The following KLHDC10 variants were observed in gnomAD, a reference collection of about 807,000 sequenced individuals.
The protein encoded by KLHDC10 is kelch domain containing 10.
Under a neutral mutation model 56.1 loss-of-function variants are expected in KLHDC10, and 24 were observed. The observed-to-expected ratio is 0.43, with a 90% confidence interval of 0.31 to 0.60. KLHDC10 has a LOEUF of 0.60. KLHDC10 is among the 20% of genes least tolerant of loss of function. The probability of loss-of-function intolerance (pLI) is 0.11; values close to 1 mark genes in which losing one functional copy is unlikely to be tolerated. For synonymous variants in KLHDC10, 188 were observed against 207.1 expected, an observed-to-expected ratio of 0.91 and a Z score of 0.79; for missense variants, 349 against 567.0, an observed-to-expected ratio of 0.62 and a Z score of 3.91.
At chr7:130,104,437 TAGG>T (rs1656948155) in intron 2 of KLHDC10, among the ~76,000 whole-genome samples, 10 of 152,104 alleles carry the variant, frequency 6.6e-5, no homozygotes, top group Admixed American at 6.6e-4. Flanking sequence ...CAGAAATACA[TAGG>T]GGGAAAAGTC....
intron 3 of KLHDC10, among the ~76,000 whole-genome samples, chr7:130,117,063 A>G (rs571283789): frequency 6.6e-6 from 1 of 152,352 alleles, no homozygotes; most frequent in Admixed American, 6.5e-5. Context: ...CAAGTCACAC[A>G]ACATTTTTGG....
In KLHDC10 at chr7:130,096,943, C is replaced by G; in HGVS notation, c.189C>G (p.Asp63Glu). Residue 63 changes from aspartate (D) to glutamate (E), a missense_variant, in exon 2 of 10, where the codon GAC (aspartate) becomes GAG (glutamate). This residue lies in a region of KLHDC10 where 104 missense variants were observed against 97.0 expected (regional missense o/e 1.07). Coordinates refer to ENST00000335420, the MANE Select transcript of KLHDC10 (RefSeq NM_014997.4). Reference protein sequence around the residue: ...HLPGKKKIRWDPVRRRFIQSC... With the variant: ...HLPGKKKIRWEPVRRRFIQSC... ...CAGGTAAGAAGAAAATACGATGGGACCCAGTTAGGAGGCGCTTCATTCAGT... is the reference window on the plus strand; with the variant it reads ...CAGGTAAGAAGAAAATACGATGGGAGCCAGTTAGGAGGCGCTTCATTCAGT... 6.2e-7 allele frequency: 1 copy of G among 1,610,740 alleles called. No individual in the cohort carries two copies. The highest frequency in any genetic ancestry group is 8.5e-7 in the Non-Finnish European group (1 of 1,177,758).
intron 1 of KLHDC10, among the ~76,000 whole-genome samples, chr7:130,076,853 C>T (rs1057069685): frequency 6.6e-6 from 1 of 152,116 alleles, no homozygotes; most frequent in Non-Finnish European, 1.5e-5. Context: ...TGGTTATCAT[C>T]TTCCCTCATT....
rs1252812744 is a variant in KLHDC10 at position 130,134,785 on chromosome 7, G to A, written c.*4039G>A. ...GGCATTGAGCTCTAGGGTGGATGAG[G>A]GTTTATGGTCCTCTGATCATAAGCT... On this transcript the variant is annotated 3_prime_UTR_variant, in exon 10 of 10. Transcript: ENST00000335420. 2.0e-5 allele frequency: 3 copies of A among 151,894 alleles called. No individual in the cohort carries two copies. The highest frequency in any genetic ancestry group is 4.4e-5 in the Non-Finnish European group (3 of 67,952). The allele number at this position is 151,894 out of a possible 1,614,324, so 9.4% of individuals were successfully genotyped here. A position where few individuals can be genotyped will look rare whatever the true frequency, so the allele number is the denominator to read the frequency against.
chr7:130,097,039 C>A, intron 2 of KLHDC10, 32 bp downstream of exon 2: 1 of 1,484,798 alleles, frequency 6.7e-7, no homozygotes, highest in South Asian at 1.2e-5. Flanking sequence ...ATCTGTGCTT[C>A]GTATGGGTTA....
intron 2 of KLHDC10, among the ~76,000 whole-genome samples, chr7:130,102,154 C>T (rs762094293): frequency 1.3e-5 from 2 of 151,972 alleles, no homozygotes; most frequent in African/African-American, 2.4e-5. Context: ...CCAATTTTGG[C>T]AGTAATAAGG....
intron 1 of KLHDC10, among the ~76,000 whole-genome samples, chr7:130,084,453 G>A (rs747258638): frequency 6.6e-6 from 1 of 152,114 alleles, no homozygotes; most frequent in African/African-American, 2.4e-5. Context: ...TTGCTATGAG[G>A]TGTGAAGGAG....
chr7:130,083,336 C>G (rs1795634954), intron 1 of KLHDC10, among the ~76,000 whole-genome samples: 1 of 152,122 alleles, frequency 6.6e-6, no homozygotes, highest in African/African-American at 2.4e-5. Context: ...GTTGATTCTT[C>G]CTCCTTACCC....
At chr7:130,082,975 G>A (rs1256067331) in intron 1 of KLHDC10, among the ~76,000 whole-genome samples, 1 of 152,112 alleles carries the variant, frequency 6.6e-6, no homozygotes, top group East Asian at 1.9e-4. Context: ...GTATCCAAGA[G>A]TATTTCTTTT....
chr7:130,121,047 G>A, intron 4 of KLHDC10, 144 bp downstream of exon 4: 1 of 763,690 alleles, frequency 1.3e-6, no homozygotes, highest in Non-Finnish European at 2.0e-6. Context: ...GTTCTGATAT[G>A]AAATTATAAT....
intron 2 of KLHDC10, among the ~76,000 whole-genome samples, chr7:130,107,365 G>T (rs147255136): frequency 2.5e-4 from 38 of 152,238 alleles, no homozygotes; most frequent in African/African-American, 8.2e-4. Context: ...GATAATTCAT[G>T]ATAACTAATA....
intron 2 of KLHDC10, among the ~76,000 whole-genome samples, chr7:130,099,297 GTTCATTCT>G (rs1292061301): frequency 1.3e-5 from 2 of 151,764 alleles, no homozygotes; most frequent in East Asian, 1.9e-4. Context: ...TTGTTCGTTC[GTTCATTCT>G]TTCATTCTTT....
chr7:130,114,779 G>C (rs574173021), intron 2 of KLHDC10, among the ~76,000 whole-genome samples: 2 of 152,062 alleles, frequency 1.3e-5, no homozygotes, highest in Non-Finnish European at 2.9e-5. Flanking sequence ...GAAAAGGGTG[G>C]TGTGCACTAG....
chr7:130,109,006 C>T (rs1563103117), intron 2 of KLHDC10, among the ~76,000 whole-genome samples: 2 of 151,904 alleles, frequency 1.3e-5, no homozygotes, highest in Admixed American at 1.3e-4. Flanking sequence ...CCTCCGCCTC[C>T]GGGGTCTAAG....
At chr7:130,122,701 G>A (rs1277398106) in intron 5 of KLHDC10, among the ~76,000 whole-genome samples, 1 of 152,144 alleles carries the variant, frequency 6.6e-6, no homozygotes, top group African/African-American at 2.4e-5. Flanking sequence ...ATACAGGCAT[G>A]TGCCACCACG....
At position 130,130,955 on chromosome 7, in the gene KLHDC10, C is replaced by T. The variant is rs1796392385; in HGVS notation, c.*209C>T. On this transcript the variant is annotated 3_prime_UTR_variant, in exon 10 of 10. Transcript: ENST00000335420. This position sits in a 1 kb window ranked among gnomAD's most constrained non-coding sequence, Gnocchi z 4.2. ...GCTTCCTTCTTTGCTTCTGTTCCTC[C>T]TGACCCATTACATGCACATGTACTC... The T allele has an allele frequency of 9.1e-6, 5 of 552,474 alleles. No homozygotes were observed. The highest frequency in any genetic ancestry group is 6.1e-5 in the Admixed American group (2 of 32,670). The allele number at this position is 552,474 out of a possible 1,614,324, so 34.2% of individuals were successfully genotyped here.
At chr7:130,102,847 C>CA (rs1795951859) in intron 2 of KLHDC10, among the ~76,000 whole-genome samples, 1 of 151,660 alleles carries the variant, frequency 6.6e-6, no homozygotes, top group African/African-American at 2.4e-5. Context: ...CAAAACAAAA[C>CA]AAAAAACGCT....
intron 1 of KLHDC10, among the ~76,000 whole-genome samples, chr7:130,090,593 A>G (rs1795757677): frequency 1.3e-5 from 2 of 148,300 alleles, no homozygotes; most frequent in South Asian, 4.2e-4. Context: ...GTCTTAAAGA[A>G]AAAAAAAAAA....
At position 130,130,773 on chromosome 7, in the gene KLHDC10, G is replaced by A; in HGVS notation, c.*27G>A. ...GATTTCTGGACTGTTCATTGATACTGGAAATGTTAATTTAAAGAGACTCCT... is the reference window on the plus strand; with the variant it reads ...GATTTCTGGACTGTTCATTGATACTAGAAATGTTAATTTAAAGAGACTCCT... On this transcript the variant is annotated 3_prime_UTR_variant, in exon 10 of 10. Coordinates refer to ENST00000335420, the MANE Select transcript of KLHDC10 (RefSeq NM_014997.4). The surrounding 1 kb of genome is among the most constrained non-coding windows in gnomAD (Gnocchi z 4.2). The A allele has an allele frequency of 6.3e-7, 1 of 1,594,780 alleles. No homozygotes were observed. Among genetic ancestry groups the A allele is most frequent in the Non-Finnish European group, 8.6e-7 (1 of 1,162,520 alleles).
Sources: gnomAD v4.1 joint callset for allele counts (sites outside exome capture counted in the v4.1 genomes callset) on GRCh38, gnomAD v4.1.1 for gene constraint, gnomAD v4.1.1 regional missense constraint, Gnocchi (gnomAD v3.1) non-coding constraint, MANE v1.5 for transcripts, NCBI Gene and HGNC (gene_info 2026-07-23, HGNC 2026-07-21) for gene names.